Variants in CHSY3 observed in about 807,000 individuals in gnomAD.
CHSY3 encodes the protein N-acetylgalactosaminyl-proteoglycan 3-beta-glucuronosyltransferase 3.
CHSY3 carries 35 observed loss-of-function variants against 67.2 expected under a neutral mutation model. The ratio of observed to expected loss-of-function variants is 0.52; its 90% CI spans 0.40 to 0.69. The LOEUF is 0.69. CHSY3 is among the 30% of genes least tolerant of loss of function. The pLI is 0.00. For synonymous variants in CHSY3, 474 were observed against 434.7 expected (o/e 1.09, Z -1.12); for missense variants, 1,069 against 1,138.5 (o/e 0.94, Z 0.88).
chr5:130,174,662 A>G (rs1769991374), intron 2 of CHSY3, among the ~76,000 whole-genome samples: 1 of 152,196 alleles, frequency 6.6e-6, no homozygotes, highest in African/African-American at 2.4e-5. Flanking sequence ...ATAACTAATT[A>G]TATACAATAA....
chr5:130,079,433 T>G (rs1210111980), intron 2 of CHSY3, among the ~76,000 whole-genome samples: 1 of 152,170 alleles, frequency 6.6e-6, no homozygotes, highest in African/African-American at 2.4e-5. Flanking sequence ...TGGGATAAAC[T>G]TCAGGATTTT....
At chr5:130,059,772 A>T (rs1465673673) in intron 2 of CHSY3, among the ~76,000 whole-genome samples, 2 of 152,184 alleles carry the variant, frequency 1.3e-5, no homozygotes, top group African/African-American at 4.8e-5. Flanking sequence ...TTCAAAAGGT[A>T]TCATATACTT....
intron 2 of CHSY3, among the ~76,000 whole-genome samples, chr5:130,008,155 C>T (rs562026950): frequency 2.6e-5 from 4 of 152,286 alleles, no homozygotes; most frequent in East Asian, 1.9e-4. Flanking sequence ...GCTATGCCAG[C>T]GCTGGTGCAC....
intron 2 of CHSY3, among the ~76,000 whole-genome samples, chr5:130,062,202 A>G (rs772217279): frequency 2.2e-4 from 33 of 152,182 alleles, no homozygotes; most frequent in Non-Finnish European, 4.3e-4. Flanking sequence ...ACCATGGAAT[A>G]TTACATGGCC....
At position 130,096,998 on chromosome 5, in the gene CHSY3, G is replaced by C. The variant is rs144590544; in HGVS notation, c.1087-87231G>C. Among the ~76,000 whole-genome samples, 741 of 152,288 alleles carry C rather than the reference G, an allele frequency of 4.9e-3. 12 individuals carry two copies. Among genetic ancestry groups the C allele is most frequent in the African/African-American group, 0.017 (703 of 41,552 alleles). On this transcript the variant is annotated intron_variant, in intron 2 of 2. Transcript: ENST00000305031. ...TAAATATGATATTTTAGTATTTGGT[G>C]TGCTGCTTCCAAGTGTCTAATTTGT...
intron 2 of CHSY3, among the ~76,000 whole-genome samples, chr5:130,013,356 CTCTG>C (rs1372929605): frequency 3.9e-5 from 6 of 152,040 alleles, no homozygotes; most frequent in Admixed American, 1.3e-4. Context: ...CTAGTGGAGA[CTCTG>C]TCTGGGGGCT....
intron 2 of CHSY3, among the ~76,000 whole-genome samples, chr5:130,007,171 T>G (rs1763900793): frequency 1.3e-5 from 2 of 152,198 alleles, no homozygotes; most frequent in Non-Finnish European, 2.9e-5. Flanking sequence ...GTTCTAAGAT[T>G]CTATCCAATA....
At chr5:130,020,737 A>C (rs182437258) in intron 2 of CHSY3, among the ~76,000 whole-genome samples, 115 of 152,018 alleles carry the variant, frequency 7.6e-4, no homozygotes, top group African/African-American at 2.7e-3. Flanking sequence ...TGGTCAGGAC[A>C]CTCACCTAAG....
At position 130,034,480 on chromosome 5, in the gene CHSY3, G is replaced by A. The variant is rs188478170; in HGVS notation, c.1086+126120G>A. Among the ~76,000 whole-genome samples the A allele has an allele frequency of 5.9e-4, 90 of 152,120 alleles. 1 individual carries two copies. Among genetic ancestry groups the A allele is most frequent in the African/African-American group, 2.1e-3 (87 of 41,508 alleles). ...ATGAGCAGTTGTCACCATTCTCATC[G>A]TTGACATTTAATTGGTTTCCTTTCA... On this transcript the variant is annotated intron_variant, in intron 2 of 2. Transcript: ENST00000305031.
intron 2 of CHSY3, among the ~76,000 whole-genome samples, chr5:129,941,700 A>G (rs999467120): frequency 1.1e-4 from 16 of 152,310 alleles, no homozygotes; most frequent in East Asian, 1.9e-4. Flanking sequence ...ATACTATGAC[A>G]AAAGCAGCAG....
At chr5:130,132,390 C>T (rs113629364) in intron 2 of CHSY3, among the ~76,000 whole-genome samples, 16 of 152,106 alleles carry the variant, frequency 1.1e-4, no homozygotes, top group Non-Finnish European at 1.8e-4. Flanking sequence ...ACAAGTTAAA[C>T]GTGATCATGG....
At chr5:130,145,514 G>A (rs1261445055) in intron 2 of CHSY3, among the ~76,000 whole-genome samples, 1 of 152,086 alleles carries the variant, frequency 6.6e-6, no homozygotes, top group East Asian at 1.9e-4. Flanking sequence ...ACTACAAGAA[G>A]GGAAAATGCT....
At chr5:130,142,432 C>A (rs894807784) in intron 2 of CHSY3, among the ~76,000 whole-genome samples, 1 of 152,132 alleles carries the variant, frequency 6.6e-6, no homozygotes, top group Non-Finnish European at 1.5e-5. Context: ...TCTTTTCCAA[C>A]TGGAAAACTG....
intron 2 of CHSY3, among the ~76,000 whole-genome samples, chr5:129,961,282 GT>G (rs1427387744): frequency 1.3e-5 from 2 of 152,026 alleles, no homozygotes; most frequent in Non-Finnish European, 2.9e-5. Flanking sequence ...GATGAAAAGG[GT>G]TTGAATTGAG....
chr5:129,979,944 A>G (rs1323609324), intron 2 of CHSY3, among the ~76,000 whole-genome samples: 3 of 152,146 alleles, frequency 2.0e-5, no homozygotes, highest in African/African-American at 7.2e-5. Flanking sequence ...TCTTTTAATG[A>G]TAGATAATAT....
chr5:130,102,335 A>G (rs890932344), intron 2 of CHSY3, among the ~76,000 whole-genome samples: 1 of 152,082 alleles, frequency 6.6e-6, no homozygotes, highest in African/African-American at 2.4e-5. Flanking sequence ...GATTTGCTGC[A>G]TTAATTATGT....
chr5:129,907,365 G>T (rs1760346348), intron 1 of CHSY3, among the ~76,000 whole-genome samples: 1 of 152,156 alleles, frequency 6.6e-6, no homozygotes, highest in Non-Finnish European at 1.5e-5. Context: ...AAAAATGGTA[G>T]TAAAGATGCT....
At chr5:130,181,994 A>ATG (rs965860499) in intron 2 of CHSY3, among the ~76,000 whole-genome samples, 10 of 39,686 alleles carry the variant, frequency 2.5e-4, no homozygotes, top group African/African-American at 5.9e-4. Context: ...AGGTGTATGT[A>ATG]TGTATATATA....
chr5:130,178,510 C>T (rs983328965), intron 2 of CHSY3, among the ~76,000 whole-genome samples: 15 of 151,860 alleles, frequency 9.9e-5, no homozygotes, highest in Admixed American at 6.6e-4. Flanking sequence ...TCTCGGCCTC[C>T]GAAAGTGCTG....
Sources: gnomAD v4.1 joint callset for allele counts (sites outside exome capture counted in the v4.1 genomes callset) on GRCh38, gnomAD v4.1.1 for gene constraint, MANE v1.5 for transcripts, NCBI Gene and HGNC (gene_info 2026-07-23, HGNC 2026-07-21) for gene names.